Variants in SLIT2 observed in about 807,000 individuals in gnomAD.
SLIT2 encodes slit guidance ligand 2, also known as slit homolog 2 protein.
In SLIT2, 41 loss-of-function variants were observed where a neutral mutation model predicts 185.7. The observed-to-expected ratio is 0.22, with a 90% CI of 0.17 to 0.29. The LOEUF is 0.29. Ranked by LOEUF, SLIT2 falls within the 10% of genes least tolerant of loss-of-function variation. SLIT2 has a pLI of 1.00. For synonymous variants in SLIT2, 693 were observed against 680.2 expected, an observed-to-expected ratio of 1.02 and a Z score of -0.29; for missense variants, 1,571 against 1,909.0, an observed-to-expected ratio of 0.82 and a Z score of 3.30.
In SLIT2 at chr4:20,598,377, C is replaced by T; in HGVS notation, c.3674C>T (p.Pro1225Leu). Residue 1225 changes from proline to leucine, a missense_variant, in exon 33 of 37, where the codon CCA becomes CTA. Around this residue, in one of 3 missense-constraint regions of SLIT2, gnomAD observed 146 missense variants for 247.4 expected, o/e 0.59. Coordinates refer to ENST00000504154, the MANE Select transcript of SLIT2 (RefSeq NM_004787.4). ...VRASYDTGSH[P>L]ASAIYSVETI... ...GCCAGCTATGACACCGGCTCTCATCCAGCTTCTGCCATTTACAGGTGAAGA... is the reference window on the plus strand; with the variant it reads ...GCCAGCTATGACACCGGCTCTCATCTAGCTTCTGCCATTTACAGGTGAAGA... The T allele has an allele frequency of 6.2e-7, 1 of 1,614,086 alleles. No homozygotes were observed. Among genetic ancestry groups the T allele is most frequent in the Non-Finnish European group, 8.5e-7 (1 of 1,179,970 alleles).
chr4:20,475,090 A>G (rs1715948336), intron 5 of SLIT2, among the ~76,000 whole-genome samples: 1 of 152,058 alleles, frequency 6.6e-6, no homozygotes, highest in South Asian at 2.1e-4. Flanking sequence ...GACTACTCCT[A>G]GCATTCTGAC....
chr4:20,576,725 A>C (rs1417426835), intron 29 of SLIT2, among the ~76,000 whole-genome samples: 1 of 152,208 alleles, frequency 6.6e-6, no homozygotes. Context: ...AATGCACTTT[A>C]ATCTCAAAAA....
intron 4 of SLIT2, among the ~76,000 whole-genome samples, chr4:20,424,379 A>G (rs539776341): frequency 2.2e-4 from 33 of 152,224 alleles, no homozygotes; most frequent in Non-Finnish European, 4.6e-4. Flanking sequence ...AATTTGAGAA[A>G]ATACATCAAG....
chr4:20,542,092 C>G (rs1338544776), intron 20 of SLIT2, among the ~76,000 whole-genome samples: 1 of 152,038 alleles, frequency 6.6e-6, no homozygotes, highest in African/African-American at 2.4e-5. Flanking sequence ...GAACAGAGAG[C>G]TAATTTGAGC....
chr4:20,472,507 T>TAG (rs1273181668), intron 5 of SLIT2, among the ~76,000 whole-genome samples: 1,067 of 22,836 alleles, frequency 0.047, 372 homozygotes, highest in African/African-American at 0.058. Context: ...TATATCTATA[T>TAG]ATAGATAGAT....
At chr4:20,469,671 T>C (rs1284731154) in intron 5 of SLIT2, among the ~76,000 whole-genome samples, 1 of 151,800 alleles carries the variant, frequency 6.6e-6, no homozygotes, top group Non-Finnish European at 1.5e-5. Flanking sequence ...AGTTTAAGAC[T>C]GGAGTCTCAG....
chr4:20,435,473 CTG>C (rs1347285707), intron 4 of SLIT2, among the ~76,000 whole-genome samples: 1 of 151,984 alleles, frequency 6.6e-6, no homozygotes, highest in East Asian at 1.9e-4. Context: ...GTTAAAAAAA[CTG>C]TAATTAAATG....
At chr4:20,386,627 T>C (rs1724958474) in intron 4 of SLIT2, among the ~76,000 whole-genome samples, 1 of 152,218 alleles carries the variant, frequency 6.6e-6, no homozygotes, top group Admixed American at 6.5e-5. Flanking sequence ...CCTCAACCAC[T>C]GATTTATTGA....
intron 4 of SLIT2, among the ~76,000 whole-genome samples, chr4:20,326,787 C>T (rs1263117299): frequency 3.3e-5 from 3 of 91,284 alleles, no homozygotes; most frequent in African/African-American, 4.4e-5. Context: ...TGAATGAGTT[C>T]TGGCTCCAGT....
Position 20,496,149 on chromosome 4 carries a change from A to G in SLIT2, c.914+4250A>G, listed in dbSNP as rs556832674. On this transcript the variant is annotated intron_variant, in intron 9 of 36. Coordinates refer to ENST00000504154, the MANE Select transcript of SLIT2 (RefSeq NM_004787.4). ...CTCATGATATAATTCTAATGAAAAG[A>G]AAGTATATGTATGCCATATATGAGT... Among the ~76,000 whole-genome samples, 3 of 152,338 alleles carry G rather than the reference A, an allele frequency of 2.0e-5. No individual in the cohort carries two copies. In the East Asian group the frequency reaches 5.8e-4, roughly 29 times the overall value.
chr4:20,270,963 T>G (rs1166693972), intron 4 of SLIT2, among the ~76,000 whole-genome samples: 1 of 151,530 alleles, frequency 6.6e-6, no homozygotes, highest in Non-Finnish European at 1.5e-5. Context: ...GACCACTTGT[T>G]TATGATGGTG....
rs537113215 is a variant in SLIT2, at chr4:20,587,261, C to T, written c.3089-2383C>T. On this transcript the variant is annotated intron_variant, in intron 29 of 36. Transcript: ENST00000504154. Reference sequence around the variant, plus strand: ...CTCGAACTCCTGACCTCAGGCAATCCGCCCTCCTCAGCCTCCTAAGTTCGG... The same window carrying T: ...CTCGAACTCCTGACCTCAGGCAATCTGCCCTCCTCAGCCTCCTAAGTTCGG... Among the ~76,000 whole-genome samples the T allele has an allele frequency of 1.1e-3, 162 of 152,154 alleles. 1 individual carries two copies. Among genetic ancestry groups the T allele is most frequent in the African/African-American group, 3.3e-3 (137 of 41,524 alleles).
chr4:20,410,301 T>C, intron 4 of SLIT2, among the ~76,000 whole-genome samples: 1 of 137,368 alleles, frequency 7.3e-6, no homozygotes, highest in South Asian at 2.4e-4. Context: ...CAGGCTGGAG[T>C]GCAGTGGCGC....
chr4:20,481,125 A>G (rs1716660369), intron 6 of SLIT2, among the ~76,000 whole-genome samples: 1 of 152,128 alleles, frequency 6.6e-6, no homozygotes, highest in Admixed American at 6.6e-5. Flanking sequence ...AGTAGCTGAT[A>G]TCTTGGAATA....
intron 14 of SLIT2, among the ~76,000 whole-genome samples, 163 bp from the exon 15 acceptor site, chr4:20,524,986 A>G (rs2148850920): frequency 6.6e-6 from 1 of 152,298 alleles, no homozygotes; most frequent in South Asian, 2.1e-4. Context: ...TTATAGATGC[A>G]TTTACTACTC....
At chr4:20,341,829 TCTTTA>T (rs954826837) in intron 4 of SLIT2, among the ~76,000 whole-genome samples, 15 of 152,246 alleles carry the variant, frequency 9.9e-5, no homozygotes, top group African/African-American at 3.4e-4. Context: ...TAGATTTGTG[TCTTTA>T]CTTCTAATTC....
chr4:20,400,546 C>A (rs1372834875), intron 4 of SLIT2, among the ~76,000 whole-genome samples: 1 of 149,620 alleles, frequency 6.7e-6, no homozygotes, highest in African/African-American at 2.5e-5. Flanking sequence ...TTTTTTTTTT[C>A]AAATTAGTTC....
At chr4:20,391,599 G>T (rs138508009) in intron 4 of SLIT2, among the ~76,000 whole-genome samples, 50 of 152,208 alleles carry the variant, frequency 3.3e-4, no homozygotes, top group African/African-American at 1.2e-3. Flanking sequence ...ACTTTGAAGT[G>T]CCAGGTTAAA....
intron 3 of SLIT2, among the ~76,000 whole-genome samples, chr4:20,262,675 C>T (rs1371995478): frequency 6.6e-6 from 1 of 151,782 alleles, no homozygotes; most frequent in East Asian, 1.9e-4. Flanking sequence ...GCTGAGTATG[C>T]ACATAGCATA....
Sources: gnomAD v4.1 joint callset for allele counts (sites outside exome capture counted in the v4.1 genomes callset) on GRCh38, gnomAD v4.1.1 for gene constraint, gnomAD v4.1.1 regional missense constraint, MANE v1.5 for transcripts, NCBI Gene and HGNC (gene_info 2026-07-23, HGNC 2026-07-21) for gene names.